Variants in MID2 observed in about 807,000 individuals in gnomAD.
MID2 encodes probable E3 ubiquitin-protein ligase MID2.
MID2 carries 13 observed loss-of-function variants against 46.1 expected under a neutral mutation model. The ratio of observed to expected loss-of-function variants is 0.28; its 90% CI spans 0.18 to 0.45. The LOEUF (loss-of-function observed/expected upper bound fraction) is 0.45, where lower values mean the gene tolerates loss of function less well. Among genes scored for constraint, MID2 ranks in the 20% least tolerant of loss-of-function variants. MID2 has a pLI of 1.00. For synonymous variants in MID2, 199 were observed against 212.3 expected (o/e 0.94, Z 0.55); for missense variants, 431 against 575.4 (o/e 0.75, Z 2.57).
intron 1 of MID2, among the ~76,000 whole-genome samples, chrX:107,829,499 C>A (rs891520506): frequency 1.8e-5 from 2 of 112,332 alleles, no homozygotes; most frequent in Non-Finnish European, 3.8e-5. Context: ...TATATGGGGG[C>A]AGTTTGTTAG....
chrX:107,882,861 A>G (rs1469543305), intron 3 of MID2, among the ~76,000 whole-genome samples: 2 of 111,852 alleles, frequency 1.8e-5, no homozygotes, highest in Non-Finnish European at 3.8e-5. Flanking sequence ...CAGCAATCCC[A>G]AAGTATTATA....
intron 1 of MID2, among the ~76,000 whole-genome samples, chrX:107,838,859 C>T (rs1221367047): frequency 8.9e-6 from 1 of 112,116 alleles, no homozygotes; most frequent in East Asian, 2.8e-4. Context: ...GTAATCCCAG[C>T]ACTTTGGGAG....
At chrX:107,895,454 A>G (rs1215092565) in intron 3 of MID2, 1 of 111,499 alleles carries the variant, frequency 9.0e-6, no homozygotes, top group Non-Finnish European at 1.9e-5. Flanking sequence ...TTGCTATGTC[A>G]CTCATCATAA....
chrX:107,876,703 G>A (rs1411357195), intron 3 of MID2, among the ~76,000 whole-genome samples: 2 of 111,958 alleles, frequency 1.8e-5, no homozygotes, highest in Non-Finnish European at 3.8e-5. Context: ...AGAATGGCGT[G>A]CTTCTCAGTG....
intron 7 of MID2, among the ~76,000 whole-genome samples, chrX:107,919,486 A>G (rs1023973331): frequency 1.8e-5 from 2 of 112,159 alleles, no homozygotes; most frequent in African/African-American, 6.5e-5. Context: ...CATCTTTCAC[A>G]TAACAGTTCT....
intron 3 of MID2, among the ~76,000 whole-genome samples, chrX:107,881,367 A>G (rs951786927): frequency 8.9e-6 from 1 of 112,528 alleles, no homozygotes; most frequent in African/African-American, 3.2e-5. Context: ...CACAGAAATC[A>G]GAAGCAGTTT....
In MID2 at chrX:107,929,675, T is replaced by A. The variant is rs1712607672; in HGVS notation, c.*2602T>A. Among the ~76,000 whole-genome samples the A allele has an allele frequency of 8.9e-6, 1 of 111,848 alleles. No homozygotes were observed. The highest frequency in any genetic ancestry group is 2.8e-4 in the East Asian group (1 of 3,581). On this transcript the variant is annotated 3_prime_UTR_variant, in exon 10 of 10. Coordinates refer to ENST00000262843, the MANE Select transcript of MID2 (RefSeq NM_012216.4). The stretch of plus-strand genomic sequence containing the variant: ...CCAAAACTGTTCATTTATTGTGGTG[T>A]CTTTTAGATTTTAGTGCCCTGGGAC...
At position 107,828,564 on chromosome X, in the gene MID2, G is replaced by A. The variant is rs541320636; in HGVS notation, c.4+2134G>A. Among the ~76,000 whole-genome samples the A allele has an allele frequency of 3.7e-4, 41 of 111,423 alleles. No homozygotes were observed. In the South Asian group the frequency reaches 0.014, roughly 39 times the overall value. On this transcript the variant is annotated intron_variant, in intron 1 of 9. Coordinates refer to ENST00000262843, the MANE Select transcript of MID2 (RefSeq NM_012216.4). ...TGAGGTCAAGCTGTCTGAGGGCCTC[G>A]CCAAGTGCTGGGATTACAGGCGAGA...
At chrX:107,867,715 A>G (rs1385539598) in intron 3 of MID2, among the ~76,000 whole-genome samples, 1 of 111,718 alleles carries the variant, frequency 9.0e-6, no homozygotes, top group Non-Finnish European at 1.9e-5. Context: ...TGAGGTAAAT[A>G]TAGGGGATGT....
intron 2 of MID2, among the ~76,000 whole-genome samples, chrX:107,851,485 C>T (rs1010688347): frequency 6.3e-5 from 7 of 111,532 alleles, no homozygotes; most frequent in East Asian, 5.6e-4. Flanking sequence ...CATTACCCTA[C>T]GGCCTTGAAT....
intron 5 of MID2, among the ~76,000 whole-genome samples, chrX:107,911,300 G>A (rs939751899): frequency 1.8e-5 from 2 of 110,867 alleles, no homozygotes; most frequent in Non-Finnish European, 3.8e-5. Context: ...TTTGTTTATG[G>A]GACTTTGATT....
At chrX:107,902,735 G>A (rs1932804676) in intron 3 of MID2, among the ~76,000 whole-genome samples, 2 of 111,126 alleles carry the variant, frequency 1.8e-5, no homozygotes. Context: ...CTCTGAAGAG[G>A]GATAGCAATT....
chrX:107,906,534 A>AC (rs1469763131), intron 5 of MID2, among the ~76,000 whole-genome samples: 1 of 111,901 alleles, frequency 8.9e-6, no homozygotes, highest in Non-Finnish European at 1.9e-5. Flanking sequence ...TCATAACTTA[A>AC]AACATGCCAG....
At chrX:107,836,644 A>G (rs1299435838) in intron 1 of MID2, among the ~76,000 whole-genome samples, 1 of 110,307 alleles carries the variant, frequency 9.1e-6, no homozygotes, top group East Asian at 2.8e-4. Context: ...GGTATTGTTC[A>G]GGTGCTTAGA....
rs774553983 is a variant in MID2, at chrX:107,854,751, T to G, written c.816+47T>G. ...GATTTTTCAGAGGACCTGAAATGGG[T>G]GACCCTTTGGGAGGACTTCAGTTTT... On this transcript the variant is annotated intron_variant, in intron 3 of 9. Coordinates refer to ENST00000262843, the MANE Select transcript of MID2 (RefSeq NM_012216.4). 16 of 983,749 alleles carry G rather than the reference T, an allele frequency of 1.6e-5. No individual in the cohort carries two copies. In the South Asian group the frequency reaches 3.2e-4, roughly 20 times the overall value. The allele number at this position is 983,749 out of a possible 1,213,427, so 81.1% of individuals were successfully genotyped here. A position where few individuals can be genotyped will look rare whatever the true frequency, so the allele number is the denominator to read the frequency against.
At chrX:107,839,126 C>G (rs1378986946) in intron 1 of MID2, among the ~76,000 whole-genome samples, 1 of 110,254 alleles carries the variant, frequency 9.1e-6, no homozygotes, top group African/African-American at 3.3e-5. Context: ...AAAAAAAAAG[C>G]AAGAAAGATG....
intron 3 of MID2, among the ~76,000 whole-genome samples, chrX:107,873,053 T>C (rs1422053955): frequency 9.0e-6 from 1 of 111,263 alleles, no homozygotes; most frequent in Admixed American, 9.5e-5. Context: ...ATGAAGATGG[T>C]ACTGTATGCC....
intron 3 of MID2, among the ~76,000 whole-genome samples, chrX:107,868,662 T>C (rs183172710): frequency 1.8e-5 from 2 of 111,865 alleles, no homozygotes; most frequent in African/African-American, 6.5e-5. Context: ...TAAAATCATT[T>C]ACTACGATTT....
chrX:107,868,447 G>A (rs949270160), intron 3 of MID2, among the ~76,000 whole-genome samples: 4 of 111,769 alleles, frequency 3.6e-5, no homozygotes, highest in Admixed American at 2.8e-4. Flanking sequence ...CTGAAGGAAA[G>A]GGAAGAAGAT....
Sources: allele counts gnomAD v4.1 joint callset (sites outside exome capture counted in the v4.1 genomes callset), GRCh38; gene constraint gnomAD v4.1.1; transcripts MANE v1.5; gene names NCBI Gene and HGNC (gene_info 2026-07-23, HGNC 2026-07-21).